Variants in RFX2 observed in about 807,000 individuals in gnomAD.
RFX2 encodes the protein DNA-binding protein RFX2.
In RFX2, 20 loss-of-function variants were observed where a neutral mutation model predicts 87.8. The observed-to-expected ratio is 0.23, with a 90% CI of 0.16 to 0.33. The LOEUF is 0.33. Among genes scored for constraint, RFX2 ranks in the 10% least tolerant of loss-of-function variants. The pLI, the probability that RFX2 is intolerant of heterozygous loss-of-function variation, is 1.00. For synonymous variants in RFX2, 397 were observed against 431.3 expected (o/e 0.92, Z 0.98); for missense variants, 767 against 1,012.3 (o/e 0.76, Z 3.29).
intron 12 of RFX2, among the ~76,000 whole-genome samples, chr19:6,006,096 G>A (rs765233945): frequency 3.9e-5 from 6 of 152,188 alleles, no homozygotes; most frequent in Non-Finnish European, 7.3e-5. Context: ...CCTTCCCCTC[G>A]AGTCAGAGAC....
rs11390854 is a variant in RFX2, at chr19:6,110,320, G to GC, written c.-9+72dup. On this transcript the variant is annotated intron_variant, in intron 1 of 17. Coordinates refer to ENST00000303657, the MANE Select transcript of RFX2 (RefSeq NM_000635.4). This position sits in a 1 kb window ranked among gnomAD's most constrained non-coding sequence, Gnocchi z 4.3. ...GCGGGGACGTGCTGCCCGCCCCCCG[G>GC]CCCCCGAACGGGGTCCCCGCCGCCC... 1 allele frequency: 151,064 copies of GC among 151,084 alleles called. 75,522 individuals carry two copies. The highest frequency in any genetic ancestry group is 1 in the Middle Eastern group (288 of 288). The allele number at this position is 151,084 out of a possible 1,614,324, so 9.4% of individuals were successfully genotyped here.
chr19:6,024,968 C>T lies in RFX2; in HGVS notation c.597+1195G>A, dbSNP rs933689208. Among the ~76,000 whole-genome samples the T allele has an allele frequency of 4.6e-5, 7 of 151,200 alleles. No individual in the cohort carries two copies. Among genetic ancestry groups the T allele is most frequent in the South Asian group, 2.1e-4 (1 of 4,792 alleles). Reference sequence around the variant, plus strand: ...ATCACGGTGAGGACGGGAGTCAGGACGGGATCACGGTGATGACTGGGGTCC... The same window carrying T: ...ATCACGGTGAGGACGGGAGTCAGGATGGGATCACGGTGATGACTGGGGTCC... On this transcript the variant is annotated intron_variant, in intron 6 of 17. Transcript: ENST00000303657. The surrounding 1 kb of genome is among the most constrained non-coding windows in gnomAD (Gnocchi z 5.0).
At chr19:6,038,340 A>AAC (rs2087052660) in intron 5 of RFX2, among the ~76,000 whole-genome samples, 1 of 136,302 alleles carries the variant, frequency 7.3e-6, no homozygotes, top group South Asian at 2.7e-4. Flanking sequence ...AAAAAAAAAA[A>AAC]AAAAAAAAAA....
chr19:6,100,205 A>G (rs774184480), intron 1 of RFX2, among the ~76,000 whole-genome samples: 1 of 152,174 alleles, frequency 6.6e-6, no homozygotes, highest in Non-Finnish European at 1.5e-5. Context: ...TGGCAAGCTC[A>G]TTTGGAGTAG....
Position 6,110,387 on chromosome 19 carries a change from G to A in RFX2, c.-9+6C>T, listed in dbSNP as rs1002029621. On this transcript the variant is annotated splice_donor_region_variant and intron_variant, in intron 1 of 17. Coordinates refer to ENST00000303657, the MANE Select transcript of RFX2 (RefSeq NM_000635.4). This position sits in a 1 kb window ranked among gnomAD's most constrained non-coding sequence, Gnocchi z 4.3. ...GGGCTGGGCCCGGGGCGGTCGCATC[G>A]GTCACCTGGAGTTCGGGCCGGGAGT... is the stretch of plus-strand genomic sequence containing the variant. 2 of 152,168 alleles carry A rather than the reference G, an allele frequency of 1.3e-5. No individual in the cohort carries two copies. Among genetic ancestry groups the A allele is most frequent in the Non-Finnish European group, 2.9e-5 (2 of 68,074 alleles). 9.4% of individuals were successfully genotyped at this position (152,168 alleles called of 1,614,324 possible).
At chr19:6,098,252 AT>A (rs2088058379) in intron 1 of RFX2, among the ~76,000 whole-genome samples, 1 of 152,134 alleles carries the variant, frequency 6.6e-6, no homozygotes, top group South Asian at 2.1e-4. Flanking sequence ...AGTGGTTTAT[AT>A]TTTGACTTGC....
rs899492433 is a variant in RFX2, at chr19:6,012,005, G to A, written c.899+981C>T. ...TAAAGTTTTACTGGCACACAGCCAT[G>A]CCCATCATCCTCATGCTGTCTGTGG... On this transcript the variant is annotated intron_variant, in intron 8 of 17. Transcript: ENST00000303657. The surrounding 1 kb of genome is among the most constrained non-coding windows in gnomAD (Gnocchi z 4.6). 5.9e-5 allele frequency: 9 copies of A among 152,268 alleles called. No homozygotes were observed. The highest frequency in any genetic ancestry group is 2.2e-4 in the African/African-American group (9 of 41,468). 9.4% of individuals were successfully genotyped at this position (152,268 alleles called of 1,614,324 possible).
At position 6,074,538 on chromosome 19, in the gene RFX2, G is replaced by T. The variant is rs1411665472; in HGVS notation, c.-8-27034C>A. 1.3e-5 allele frequency among the ~76,000 whole-genome samples: 2 copies of T among 152,196 alleles called. No individual in the cohort carries two copies. Among genetic ancestry groups the T allele is most frequent in the African/African-American group, 4.8e-5 (2 of 41,440 alleles). On this transcript the variant is annotated intron_variant, in intron 1 of 17. Coordinates refer to ENST00000303657, the MANE Select transcript of RFX2 (RefSeq NM_000635.4). The surrounding 1 kb of genome is among the most constrained non-coding windows in gnomAD (Gnocchi z 5.2). ...CAGTCTGAGCATCTGCCATGTGCCG[G>T]CTTCAAGTGCTGAGGACACAGCAGG...
chr19:6,006,333 A>AC (rs2086580694), intron 12 of RFX2, among the ~76,000 whole-genome samples: 1 of 150,780 alleles, frequency 6.6e-6, no homozygotes. Context: ...TAATTTTTGT[A>AC]TTTTTTTTAG....
intron 1 of RFX2, among the ~76,000 whole-genome samples, chr19:6,059,104 C>T (rs1169621738): frequency 6.6e-6 from 1 of 152,056 alleles, no homozygotes; most frequent in Admixed American, 6.6e-5. Flanking sequence ...CTTAGCCAAC[C>T]GAGTAGCTGG....
At chr19:5,995,563 T>C (rs1374983848) in intron 17 of RFX2, 38 bp downstream of exon 17, 7 of 1,543,812 alleles carry the variant, frequency 4.5e-6, no homozygotes, top group Non-Finnish European at 6.1e-6. Context: ...ACCACCCTCC[T>C]GGGAGGGTCG....
chr19:6,062,376 C>T (rs756767566), intron 1 of RFX2, among the ~76,000 whole-genome samples: 6 of 152,188 alleles, frequency 3.9e-5, no homozygotes, highest in Non-Finnish European at 7.4e-5. Flanking sequence ...ACAACACACA[C>T]GCAACTGAGG....
At chr19:6,034,222 T>G (rs954726977) in intron 5 of RFX2, among the ~76,000 whole-genome samples, 1 of 146,560 alleles carries the variant, frequency 6.8e-6, no homozygotes, top group Non-Finnish European at 1.5e-5. Flanking sequence ...AGACACACAC[T>G]GCTAATTTTT....
At position 6,021,933 on chromosome 19, in the gene RFX2, C is replaced by T. The variant is rs1017376257; in HGVS notation, c.597+4230G>A. ...CCGAAAGAATCCACAGGGACAGTGG[C>T]GGCTCGGGAAGTAGTCGAAGTGGAG... On this transcript the variant is annotated intron_variant, in intron 6 of 17. Transcript: ENST00000303657. This position sits in a 1 kb window ranked among gnomAD's most constrained non-coding sequence, Gnocchi z 5.7. Among the ~76,000 whole-genome samples the T allele has an allele frequency of 2.6e-5, 4 of 152,044 alleles. No homozygotes were observed. The highest frequency in any genetic ancestry group is 9.6e-5 in the African/African-American group (4 of 41,466).
chr19:6,013,063 C>A lies in RFX2; in HGVS notation c.822G>T (p.Pro274=), dbSNP rs146756503. 8.8e-6 allele frequency: 14 copies of A among 1,599,778 alleles called. No homozygotes were observed. The East Asian group carries it at 2.7e-4, about 31-fold the overall frequency. The change falls in exon 8 of 18, where the codon CCG becomes CCT. Residue 274 remains proline, a synonymous_variant. Transcript: ENST00000303657. This position sits in a 1 kb window ranked among gnomAD's most constrained non-coding sequence, Gnocchi z 4.1. Reference sequence around the variant, plus strand: ...CCTGCAGCCGGTTCAGTGGTGAGTCCGGCTTCAGACGAATCCCATAGTAAT... The same window carrying A: ...CCTGCAGCCGGTTCAGTGGTGAGTCAGGCTTCAGACGAATCCCATAGTAAT... ...KYHYYGIRLK[P]DSPLNRLQED...
In RFX2 at chr19:6,001,991, C is replaced by T; in HGVS notation, c.1683G>A (p.Glu561=). 6.2e-7 allele frequency: 1 copy of T among 1,611,236 alleles called. No homozygotes were observed. The part of the protein sequence containing the change: ...EQASWVCQCE[E]SVVQRLEQDF... ...CCTGCTCCAGCCGCTGCACCACACT[C>T]TCCTCGCACTGGCACACCCACGAGG... Residue 561 remains glutamate (E), a synonymous_variant, in exon 15 of 18, where the codon GAG becomes GAA. Transcript: ENST00000303657. The surrounding 1 kb of genome is among the most constrained non-coding windows in gnomAD (Gnocchi z 5.6).
At chr19:5,995,032 C>T in intron 17 of RFX2, 82 bp from the exon 18 acceptor site, 1 of 1,091,732 alleles carries the variant, frequency 9.2e-7, no homozygotes, top group Non-Finnish European at 1.4e-6. Flanking sequence ...CCGAGAACTG[C>T]TCCGGCACGC....
chr19:6,072,949 A>G, intron 1 of RFX2: 1 of 742,474 alleles, frequency 1.3e-6, no homozygotes, highest in South Asian at 1.4e-5. Context: ...AGGTATTGAC[A>G]ATAGGGTTTG....
rs1191210914 is a variant in RFX2, at chr19:6,011,585, A to C, written c.900-1334T>G. Among the ~76,000 whole-genome samples, 1 of 152,218 alleles carries C rather than the reference A, an allele frequency of 6.6e-6. No homozygotes were observed. The highest frequency in any genetic ancestry group is 1.5e-5 in the Non-Finnish European group (1 of 68,048). On this transcript the variant is annotated intron_variant, in intron 8 of 17. Transcript: ENST00000303657. The surrounding 1 kb of genome is among the most constrained non-coding windows in gnomAD (Gnocchi z 4.8). ...GCTCCTAAAATGACACACTGCCTGGAGCACAGGTTCACAGCTGTCTGCCAG... is the reference window on the plus strand; with the variant it reads ...GCTCCTAAAATGACACACTGCCTGGCGCACAGGTTCACAGCTGTCTGCCAG...
Sources: allele counts gnomAD v4.1 joint callset (sites outside exome capture counted in the v4.1 genomes callset), GRCh38; gene constraint gnomAD v4.1.1; non-coding constraint Gnocchi (gnomAD v3.1); transcripts MANE v1.5; gene names NCBI Gene and HGNC (gene_info 2026-07-23, HGNC 2026-07-21).